The following TMOD3 variants were observed in gnomAD, a reference collection of about 807,000 sequenced individuals.
TMOD3 encodes tropomodulin-3.
A neutral mutation model predicts 39.2 loss-of-function variants in TMOD3; 20 were observed. The observed-to-expected ratio is 0.51, with a 90% CI of 0.36 to 0.74. The LOEUF is 0.74. TMOD3 is among the 30% of genes least tolerant of loss of function. The pLI is 0.00. For missense variants in TMOD3, 381 were observed against 412.8 expected, an observed-to-expected ratio of 0.92 and a Z score of 0.67; for synonymous variants, 143 against 145.8, an observed-to-expected ratio of 0.98 and a Z score of 0.14.
chr15:51,887,220 CAA>C (rs35718814), intron 3 of TMOD3, among the ~76,000 whole-genome samples: 7 of 104,720 alleles, frequency 6.7e-5, no homozygotes, highest in Admixed American at 1.0e-4. Context: ...GACTCCATCT[CAA>C]AAAAAAAAAA....
chr15:51,869,974 T>C (rs894351477), intron 3 of TMOD3, among the ~76,000 whole-genome samples: 2 of 152,220 alleles, frequency 1.3e-5, no homozygotes, highest in Non-Finnish European at 2.9e-5. Flanking sequence ...AGTCTTGCTC[T>C]GTTGCCCAGG....
chr15:51,865,191 T>C (rs2056439264), intron 2 of TMOD3, among the ~76,000 whole-genome samples: 2 of 152,152 alleles, frequency 1.3e-5, no homozygotes, highest in Admixed American at 6.5e-5. Flanking sequence ...AGGGTCTCGT[T>C]ATGTTACCCA....
intron 2 of TMOD3, among the ~76,000 whole-genome samples, chr15:51,863,759 C>G (rs2056430873): frequency 6.6e-6 from 1 of 152,128 alleles, no homozygotes; most frequent in Non-Finnish European, 1.5e-5. Context: ...CCTCTAAGGA[C>G]TGAGATGGAG....
intron 1 of TMOD3, among the ~76,000 whole-genome samples, chr15:51,852,405 A>G (rs2554356): frequency 0.049 from 7,440 of 152,042 alleles, 422 homozygotes; most frequent in African/African-American, 0.12. Context: ...TGTCTCCTGA[A>G]GAGGAAACTC....
At chr15:51,905,007 C>G (rs890402068) in intron 9 of TMOD3, among the ~76,000 whole-genome samples, 2 of 152,180 alleles carry the variant, frequency 1.3e-5, no homozygotes, top group African/African-American at 2.4e-5. Context: ...AAACGTGGGT[C>G]TCATGCATGA....
Position 51,879,257 on chromosome 15 carries a change from C to A in TMOD3, c.284-8332C>A, listed in dbSNP as rs146733279. On this transcript the variant is annotated intron_variant, in intron 3 of 9. Transcript: ENST00000308580. ...TTGTAGTTGCAGAAACATTGCTAAA[C>A]TGTTTCAACGCTCTTAGCAACCAAG... 6.6e-5 allele frequency among the ~76,000 whole-genome samples: 10 copies of A among 152,146 alleles called. No individual in the cohort carries two copies. The East Asian group carries it at 1.9e-3, about 29-fold the overall frequency.
intron 1 of TMOD3, among the ~76,000 whole-genome samples, chr15:51,853,776 G>A (rs1261548319): frequency 2.0e-5 from 3 of 146,950 alleles, no homozygotes; most frequent in African/African-American, 7.7e-5. Flanking sequence ...CTGACAGAGC[G>A]AGTCACTGTC....
intron 5 of TMOD3, among the ~76,000 whole-genome samples, chr15:51,891,244 C>CT (rs56932356): frequency 0.14 from 18,509 of 130,178 alleles, 2,319 homozygotes; most frequent in African/African-American, 0.33. Flanking sequence ...AACCTCTTTC[C>CT]TTTTTTTTTT....
chr15:51,865,247 G>A (rs902551826), intron 2 of TMOD3, among the ~76,000 whole-genome samples: 1 of 152,110 alleles, frequency 6.6e-6, no homozygotes, highest in African/African-American at 2.4e-5. Flanking sequence ...AACCAAAAAT[G>A]TCTCCAGGCA....
chr15:51,851,830 C>G (rs1018063961), intron 1 of TMOD3, among the ~76,000 whole-genome samples: 2 of 152,252 alleles, frequency 1.3e-5, no homozygotes, highest in Admixed American at 6.5e-5. Flanking sequence ...TCCATCTCCA[C>G]AGCCACAACT....
At chr15:51,868,874 AG>A (rs2056460769) in intron 2 of TMOD3, among the ~76,000 whole-genome samples, 1 of 152,190 alleles carries the variant, frequency 6.6e-6, no homozygotes, top group African/African-American at 2.4e-5. Context: ...TGGGAGTCTG[AG>A]GCATGATAAT....
rs188372992 is a variant in TMOD3, at chr15:51,834,053, T to C, written c.-75+4217T>C. Among the ~76,000 whole-genome samples the C allele has an allele frequency of 5.9e-5, 9 of 152,356 alleles. No homozygotes were observed. The East Asian group carries it at 1.7e-3, about 29-fold the overall frequency. ...ATGATTAAGAATGTTGAGTGCTTTA[T>C]CATATGTTAATTGGCTATGCAGTAT... On this transcript the variant is annotated intron_variant, in intron 1 of 9. Coordinates refer to ENST00000308580, the MANE Select transcript of TMOD3 (RefSeq NM_014547.5).
intron 3 of TMOD3, chr15:51,884,671 A>T (rs1048841528): frequency 4.6e-5 from 7 of 152,188 alleles, no homozygotes; most frequent in African/African-American, 1.7e-4. Context: ...AAAGTTGGCA[A>T]TTGAGAAAGT....
chr15:51,850,805 C>T lies in TMOD3; in HGVS notation c.-74-12006C>T, dbSNP rs149825800. Among the ~76,000 whole-genome samples the T allele has an allele frequency of 7.6e-3, 1,157 of 152,184 alleles. 21 individuals are homozygous for T. Among genetic ancestry groups the T allele is most frequent in the African/African-American group, 0.027 (1,123 of 41,498 alleles). On this transcript the variant is annotated intron_variant, in intron 1 of 9. Transcript: ENST00000308580. ...AGGCTGGAGTGCAGTGGCGCGATCT[C>T]GGCTCACTGTAACCTCTGCCTCCTG...
chr15:51,842,070 C>T (rs927372931), intron 1 of TMOD3, among the ~76,000 whole-genome samples: 1 of 152,190 alleles, frequency 6.6e-6, no homozygotes, highest in Admixed American at 6.5e-5. Context: ...GCCACTGTGC[C>T]TGGCCTGGTT....
chr15:51,836,613 T>C (rs1000549603), intron 1 of TMOD3, among the ~76,000 whole-genome samples: 4 of 151,532 alleles, frequency 2.6e-5, no homozygotes, highest in Non-Finnish European at 1.5e-5. Context: ...TAGTCCCAGC[T>C]ACCCGGGAGG....
chr15:51,849,168 A>G (rs2056349469), intron 1 of TMOD3, among the ~76,000 whole-genome samples: 1 of 152,188 alleles, frequency 6.6e-6, no homozygotes, highest in African/African-American at 2.4e-5. Context: ...TGGGTGGATC[A>G]TGTGTGGAGT....
chr15:51,878,376 A>ATGTATGTGTGTGTG (rs1555387056), intron 3 of TMOD3, among the ~76,000 whole-genome samples: 1 of 147,318 alleles, frequency 6.8e-6, no homozygotes, highest in Non-Finnish European at 1.5e-5. Flanking sequence ...TTTAAAATAT[A>ATGTATGTGTGTGTG]TGTGTGTGTG....
At chr15:51,833,114 T>A (rs1331234136) in intron 1 of TMOD3, 5 of 152,222 alleles carry the variant, frequency 3.3e-5, no homozygotes. Context: ...CTATAACTGG[T>A]CCATTAAGTG....
Sources: allele counts gnomAD v4.1 joint callset (sites outside exome capture counted in the v4.1 genomes callset), GRCh38; gene constraint gnomAD v4.1.1; transcripts MANE v1.5; gene names NCBI Gene and HGNC (gene_info 2026-07-23, HGNC 2026-07-21).